NRXN3: variants seen among roughly 807,000 people sequenced by gnomAD.
NRXN3 encodes neurexin III.
Under a neutral mutation model 137.6 loss-of-function variants are expected in NRXN3, and 32 were observed. The ratio of observed to expected loss-of-function variants is 0.23; its 90% confidence interval spans 0.18 to 0.31. The LOEUF (loss-of-function observed/expected upper bound fraction) is 0.31. NRXN3 is among the 10% of genes least tolerant of loss of function. The pLI is 1.00. For missense variants in NRXN3, 1,574 were observed against 2,062.5 expected (o/e 0.76, Z 4.59); for synonymous variants, 798 against 784.5 (o/e 1.02, Z -0.29).
chr14:78,895,619 C>A (rs2099171184), intron 10 of NRXN3, among the ~76,000 whole-genome samples: 1 of 151,918 alleles, frequency 6.6e-6, no homozygotes, highest in South Asian at 2.1e-4. Flanking sequence ...GCATTCACAA[C>A]TAGGTTAACT....
chr14:79,162,240 C>A (rs1265638434), intron 15 of NRXN3, among the ~76,000 whole-genome samples: 3 of 150,882 alleles, frequency 2.0e-5, no homozygotes, highest in African/African-American at 4.9e-5. Context: ...GCGCTGCACC[C>A]ACTAACTCGT....
chr14:78,638,967 T>C (rs1384951244), intron 4 of NRXN3, among the ~76,000 whole-genome samples: 1 of 152,214 alleles, frequency 6.6e-6, no homozygotes, highest in East Asian at 1.9e-4. Flanking sequence ...TTACTGAGGC[T>C]TCTTTGCCTG....
chr14:78,646,988 C>G (rs1222764518), intron 5 of NRXN3, among the ~76,000 whole-genome samples: 2 of 152,124 alleles, frequency 1.3e-5, no homozygotes, highest in East Asian at 3.9e-4. Flanking sequence ...AAATAACACG[C>G]TTTAGGCATT....
chr14:79,781,886 A>G (rs1372240707), intron 19 of NRXN3, among the ~76,000 whole-genome samples: 1 of 152,206 alleles, frequency 6.6e-6, no homozygotes, highest in Non-Finnish European at 1.5e-5. Context: ...GTGGTAAAGA[A>G]AAGGCTTAAG....
chr14:78,191,636 G>A (rs1196765636), intron 1 of NRXN3, among the ~76,000 whole-genome samples: 1 of 152,178 alleles, frequency 6.6e-6, no homozygotes, highest in African/African-American at 2.4e-5. Context: ...CATCTCTTTG[G>A]CTTGGAAGTT....
intron 10 of NRXN3, among the ~76,000 whole-genome samples, chr14:78,921,321 A>G (rs1370797234): frequency 6.6e-6 from 1 of 152,238 alleles, no homozygotes; most frequent in Non-Finnish European, 1.5e-5. Context: ...CCTTGTCCTC[A>G]TGAAACTTCA....
At chr14:79,495,464 A>G (rs540442366) in intron 16 of NRXN3, among the ~76,000 whole-genome samples, 17 of 152,048 alleles carry the variant, frequency 1.1e-4, no homozygotes, top group Non-Finnish European at 2.4e-4. Flanking sequence ...ATCTCTATCA[A>G]TCCAGAATCC....
At position 79,279,878 on chromosome 14, in the gene NRXN3, T is replaced by G. The variant is rs2080966572; in HGVS notation, c.3263-187343T>G. 11 of 1,016,784 alleles carry G rather than the reference T, an allele frequency of 1.1e-5. No homozygotes were observed. In the South Asian group the frequency reaches 4.2e-4, roughly 38 times the overall value. The allele number at this position is 1,016,784 out of a possible 1,614,324, so 63.0% of individuals were successfully genotyped here. On this transcript the variant is annotated intron_variant, in intron 15 of 20. Coordinates refer to ENST00000335750, the MANE Select transcript of NRXN3 (RefSeq NM_001330195.2). ...TGAACCCACTTGGGTTCGGGCTGCC[T>G]CCTTCTCTTCCTTCATTGCCACCTT...
At chr14:78,392,007 A>C (rs1457292945) in intron 4 of NRXN3, among the ~76,000 whole-genome samples, 4 of 152,184 alleles carry the variant, frequency 2.6e-5, no homozygotes, top group Admixed American at 2.6e-4. Flanking sequence ...GGAAAAAAAA[A>C]TCTAGGATAT....
chr14:78,905,077 A>G (rs1342665911), intron 10 of NRXN3, among the ~76,000 whole-genome samples: 2 of 151,976 alleles, frequency 1.3e-5, no homozygotes. Context: ...TGTGGATTGC[A>G]TCTTGTGTTT....
chr14:78,862,458 A>G (rs992719136), intron 10 of NRXN3, among the ~76,000 whole-genome samples: 6 of 152,098 alleles, frequency 3.9e-5, no homozygotes, highest in African/African-American at 1.4e-4. Context: ...TACCAGCAGG[A>G]TATCCCTATA....
chr14:78,264,871 G>T (rs534012079), intron 2 of NRXN3, among the ~76,000 whole-genome samples: 1 of 152,114 alleles, frequency 6.6e-6, no homozygotes, highest in Non-Finnish European at 1.5e-5. Context: ...TTCCTGTTGC[G>T]GGGGCTTCCC....
chr14:78,694,187 C>T (rs74066338), intron 6 of NRXN3, among the ~76,000 whole-genome samples: 5,143 of 151,934 alleles, frequency 0.034, 326 homozygotes, highest in African/African-American at 0.12. Context: ...GCAAATTGCT[C>T]ATTTTGATTT....
intron 20 of NRXN3, among the ~76,000 whole-genome samples, chr14:79,828,737 G>C (rs1433249487): frequency 6.7e-6 from 1 of 150,108 alleles, no homozygotes; most frequent in Non-Finnish European, 1.5e-5. Context: ...GCCATTTCCA[G>C]GCTCTCATAG....
chr14:79,286,401 TG>T (rs2082258353), intron 15 of NRXN3, among the ~76,000 whole-genome samples: 1 of 152,078 alleles, frequency 6.6e-6, no homozygotes, highest in Non-Finnish European at 1.5e-5. Context: ...TTGAAAAATA[TG>T]TTAAATAGGC....
At chr14:78,383,340 G>A (rs963345882) in intron 4 of NRXN3, among the ~76,000 whole-genome samples, 1 of 152,192 alleles carries the variant, frequency 6.6e-6, no homozygotes, top group Non-Finnish European at 1.5e-5. Flanking sequence ...GCAGTTAGCT[G>A]TTGGGGCGAG....
At chr14:79,384,628 C>T (rs959398039) in intron 15 of NRXN3, among the ~76,000 whole-genome samples, 7 of 152,078 alleles carry the variant, frequency 4.6e-5, no homozygotes, top group African/African-American at 1.2e-4. Context: ...ATCTTTTAGA[C>T]CACAGGCATT....
At chr14:78,306,459 G>A (rs1247820136) in intron 4 of NRXN3, among the ~76,000 whole-genome samples, 1 of 152,104 alleles carries the variant, frequency 6.6e-6, no homozygotes, top group East Asian at 1.9e-4. Context: ...GTTTTGAATT[G>A]TGTTGTCTTT....
chr14:78,763,105 G>A (rs571951612), intron 8 of NRXN3, among the ~76,000 whole-genome samples: 131 of 152,314 alleles, frequency 8.6e-4, no homozygotes, highest in Non-Finnish European at 1.3e-3. Flanking sequence ...AAATTTTATG[G>A]AAATTAAAAT....
Sources: allele counts gnomAD v4.1 joint callset (sites outside exome capture counted in the v4.1 genomes callset), GRCh38; gene constraint gnomAD v4.1.1; transcripts MANE v1.5; gene names NCBI Gene and HGNC (gene_info 2026-07-23, HGNC 2026-07-21).